PTPRD: variants seen among roughly 807,000 people sequenced by gnomAD.
PTPRD encodes receptor-type tyrosine-protein phosphatase delta.
PTPRD carries 34 observed loss-of-function variants against 214.5 expected under a neutral mutation model. The observed-to-expected ratio is 0.16, with a 90% confidence interval of 0.12 to 0.21. The LOEUF is 0.21. PTPRD is among the 10% of genes least tolerant of loss of function. The pLI, the probability that PTPRD is intolerant of heterozygous loss-of-function variation, is 1.00. For missense variants in PTPRD, 2,545 were observed against 2,398.7 expected (o/e 1.06, Z -1.27); for synonymous variants, 1,128 against 845.7 (o/e 1.33, Z -5.79).
intron 7 of PTPRD, among the ~76,000 whole-genome samples, chr9:9,606,965 TAAAAAAAAAAAAAAAAAAA>T (rs754610072): frequency 4.0e-4 from 11 of 27,458 alleles, no homozygotes; most frequent in African/African-American, 1.0e-3. Context: ...TCAGCACTGC[TAAAAAAAAAAAAAAAAAAA>T]AAAAAAAAAA....
chr9:8,441,869 T>C (rs1395139464), intron 34 of PTPRD, among the ~76,000 whole-genome samples: 4 of 152,178 alleles, frequency 2.6e-5, no homozygotes, highest in Non-Finnish European at 5.9e-5. Flanking sequence ...CCGTACACTC[T>C]CATTTAGCAC....
intron 14 of PTPRD, among the ~76,000 whole-genome samples, chr9:8,613,382 C>T (rs1439554211): frequency 6.6e-6 from 1 of 152,120 alleles, no homozygotes; most frequent in Non-Finnish European, 1.5e-5. Context: ...TAATATCTTA[C>T]TTTGCCTTCC....
intron 2 of PTPRD, among the ~76,000 whole-genome samples, chr9:10,344,222 G>GA (rs978248497): frequency 1.6e-4 from 25 of 151,942 alleles, no homozygotes; most frequent in African/African-American, 6.0e-4. Flanking sequence ...GTAAGGAAGG[G>GA]ATCCAGTTTC....
At chr9:8,485,727 T>C in intron 28 of PTPRD, 35 bp downstream of exon 28, 1 of 1,538,198 alleles carries the variant, frequency 6.5e-7, no homozygotes, top group South Asian at 1.2e-5. Context: ...TGACAATCCT[T>C]TAAAGGAGGA....
chr9:8,950,629 G>C (rs974861383), intron 11 of PTPRD, among the ~76,000 whole-genome samples: 22 of 151,810 alleles, frequency 1.4e-4, no homozygotes, highest in Non-Finnish European at 2.9e-4. Context: ...GTATATAATG[G>C]AGCAAGTATC....
chr9:9,009,453 G>A (rs1443073110), intron 11 of PTPRD, among the ~76,000 whole-genome samples: 2 of 151,936 alleles, frequency 1.3e-5, no homozygotes, highest in Non-Finnish European at 2.9e-5. Flanking sequence ...GGGTACATGT[G>A]AAGGATGTGC....
intron 11 of PTPRD, among the ~76,000 whole-genome samples, chr9:8,894,354 T>TGAAAAAAAAAAAAAAAAAAAAGTCTG (rs2098582505): frequency 2.8e-5 from 1 of 36,028 alleles, no homozygotes; most frequent in Non-Finnish European, 5.6e-5. Context: ...AGACTCCATC[T>TGAAAAAAAAAAAAAAAAAAAAGTCTG]CAAAAAAAAA....
intron 8 of PTPRD, among the ~76,000 whole-genome samples, chr9:9,518,600 C>G (rs2096891254): frequency 1.3e-5 from 2 of 152,026 alleles, no homozygotes; most frequent in Non-Finnish European, 2.9e-5. Context: ...CTGCCTCTAA[C>G]ATGGAGGAAT....
chr9:10,478,783 A>G (rs111395293), intron 2 of PTPRD, among the ~76,000 whole-genome samples: 1 of 151,666 alleles, frequency 6.6e-6, no homozygotes, highest in African/African-American at 2.4e-5. Context: ...GGAAAATTTC[A>G]GAAACAAATT....
chr9:8,664,752 A>G (rs1366406634), intron 12 of PTPRD, among the ~76,000 whole-genome samples: 4 of 152,360 alleles, frequency 2.6e-5, no homozygotes, highest in Middle Eastern at 6.8e-3. Context: ...CTGCTTTAAA[A>G]TATTTCCCCA....
chr9:10,600,320 A>G (rs1268835900), intron 2 of PTPRD, among the ~76,000 whole-genome samples: 2 of 151,798 alleles, frequency 1.3e-5, no homozygotes, highest in Non-Finnish European at 2.9e-5. Flanking sequence ...ATCATATCAT[A>G]TACACTCTCC....
chr9:8,992,986 A>G (rs2099383490), intron 11 of PTPRD, among the ~76,000 whole-genome samples: 1 of 152,220 alleles, frequency 6.6e-6, no homozygotes. Context: ...TACAGAAGAC[A>G]GGACATACAG....
At chr9:9,753,721 C>G (rs1043564724) in intron 6 of PTPRD, among the ~76,000 whole-genome samples, 20 of 151,834 alleles carry the variant, frequency 1.3e-4, no homozygotes, top group African/African-American at 4.6e-4. Flanking sequence ...GTCGCAGATG[C>G]TCTCTGAAAA....
At chr9:8,565,117 T>C (rs755920187) in intron 14 of PTPRD, among the ~76,000 whole-genome samples, 1 of 152,108 alleles carries the variant, frequency 6.6e-6, no homozygotes, top group African/African-American at 2.4e-5. Flanking sequence ...CCATGTAATC[T>C]GCTCCCTGCT....
At chr9:8,472,008 T>G (rs892432895) in intron 30 of PTPRD, among the ~76,000 whole-genome samples, 1 of 152,164 alleles carries the variant, frequency 6.6e-6, no homozygotes, top group Non-Finnish European at 1.5e-5. Context: ...AAATGCATAA[T>G]CTGGTTTTGT....
chr9:9,540,757 G>T (rs2077422868), intron 8 of PTPRD, among the ~76,000 whole-genome samples: 1 of 151,738 alleles, frequency 6.6e-6, no homozygotes, highest in South Asian at 2.1e-4. Flanking sequence ...TACTTCCTCT[G>T]TGCCACCAGT....
intron 34 of PTPRD, chr9:8,438,641 G>A (rs2095438548): frequency 6.6e-6 from 1 of 152,208 alleles, no homozygotes; most frequent in Admixed American, 6.5e-5. Flanking sequence ...GAAATGGACT[G>A]ATGTGGACAT....
intron 2 of PTPRD, among the ~76,000 whole-genome samples, chr9:10,542,235 T>C (rs1489120586): frequency 6.6e-6 from 1 of 152,142 alleles, no homozygotes; most frequent in Non-Finnish European, 1.5e-5. Flanking sequence ...TCTCTGGTAA[T>C]TCTGCATCAG....
chr9:8,505,719 CA>C (rs2097531661), intron 22 of PTPRD, among the ~76,000 whole-genome samples: 1 of 147,930 alleles, frequency 6.8e-6, no homozygotes, highest in South Asian at 2.2e-4. Flanking sequence ...CTTACAAATA[CA>C]AAAGTTTTCA....
Sources: gnomAD v4.1 joint callset for allele counts (sites outside exome capture counted in the v4.1 genomes callset) on GRCh38, gnomAD v4.1.1 for gene constraint, MANE v1.5 for transcripts, NCBI Gene and HGNC (gene_info 2026-07-23, HGNC 2026-07-21) for gene names.